The following ADCY10 variants were observed in gnomAD, a reference collection of about 807,000 sequenced individuals.
ADCY10 encodes adenylate cyclase type 10.
In ADCY10, 156 loss-of-function variants were observed where a neutral mutation model predicts 183.3. That is an observed-to-expected ratio of 0.85 (90% CI 0.75 to 0.97). The LOEUF (loss-of-function observed/expected upper bound fraction) is 0.97. ADCY10 is among the 50% of genes least tolerant of loss of function. ADCY10 has a pLI of 0.00. For synonymous variants in ADCY10, 645 were observed against 670.0 expected (o/e 0.96, Z 0.58); for missense variants, 1,745 against 1,934.3 (o/e 0.90, Z 1.84).
rs547011694 is a variant in ADCY10, at chr1:167,848,634, TTTTTGTTTTG to T, written c.2309-155_2309-146del. Reference sequence around the variant, plus strand: ...CTCACCAAATATTCTGGAAACCTTTTTTTTGTTTTGTTTTGTTTTGTTTTTTGTTTTTTTG... The same window carrying T: ...CTCACCAAATATTCTGGAAACCTTTTTTTTGTTTTGTTTTTTGTTTTTTTG... On this transcript the variant is annotated intron_variant, in intron 18 of 32. Coordinates refer to ENST00000367851, the MANE Select transcript of ADCY10 (RefSeq NM_018417.6). 2.7e-4 allele frequency: 265 copies of T among 965,522 alleles called. 1 individual carries two copies. The African/African-American group carries it at 4.1e-3, about 15-fold the overall frequency. The allele number at this position is 965,522 out of a possible 1,614,324, so 59.8% of individuals were successfully genotyped here. A position where few individuals can be genotyped will look rare whatever the true frequency, so the allele number is the denominator to read the frequency against.
chr1:167,879,325 G>C (rs1667714597), intron 11 of ADCY10, among the ~76,000 whole-genome samples: 1 of 152,212 alleles, frequency 6.6e-6, no homozygotes. Context: ...TTCAACAGCA[G>C]CTGGCTGCTT....
intron 18 of ADCY10, among the ~76,000 whole-genome samples, chr1:167,853,755 G>A (rs192675493): frequency 4.7e-5 from 7 of 150,474 alleles, no homozygotes; most frequent in African/African-American, 1.5e-4. Context: ...AAGGCTTTTT[G>A]AAGATAACAT....
chr1:167,905,262 T>C, intron 1 of ADCY10, 64 bp from the exon 2 acceptor site: 1 of 1,239,520 alleles, frequency 8.1e-7, no homozygotes, highest in Non-Finnish European at 1.2e-6. Context: ...CTATTGCTCT[T>C]TCTCCATTTG....
rs149560141 is a variant in ADCY10, at chr1:167,855,996, C to T, written c.2171+169G>A. Reference sequence around the variant, plus strand: ...TCAGCCTGGGTGACAGAGTAAGACCCTGTCTCAAAAGAAAACAGAAAAAAA... The same window carrying T: ...TCAGCCTGGGTGACAGAGTAAGACCTTGTCTCAAAAGAAAACAGAAAAAAA... On this transcript the variant is annotated intron_variant, in intron 17 of 32. Coordinates refer to ENST00000367851, the MANE Select transcript of ADCY10 (RefSeq NM_018417.6). Among the ~76,000 whole-genome samples, 236 of 152,244 alleles carry T rather than the reference C, an allele frequency of 1.6e-3. 1 individual carries two copies. Among genetic ancestry groups the T allele is most frequent in the African/African-American group, 5.4e-3 (226 of 41,540 alleles).
chr1:167,858,997 C>T (rs567553448), intron 16 of ADCY10, among the ~76,000 whole-genome samples: 5 of 152,036 alleles, frequency 3.3e-5, no homozygotes, highest in African/African-American at 9.7e-5. Flanking sequence ...TGAGTAAATG[C>T]GGGAATGTGG....
Position 167,896,581 on chromosome 1 carries a change from T to G in ADCY10, c.739+14A>C, listed in dbSNP as rs376851497. ...TGGTAGAGGCAAAGGCATTTTTCCATGGTGGGTACTTACTTTTGTGCTCAC... is the reference window on the plus strand; with the variant it reads ...TGGTAGAGGCAAAGGCATTTTTCCAGGGTGGGTACTTACTTTTGTGCTCAC... On this transcript the variant is annotated intron_variant, in intron 7 of 32. Coordinates refer to ENST00000367851, the MANE Select transcript of ADCY10 (RefSeq NM_018417.6). The G allele has an allele frequency of 1.9e-6, 3 of 1,594,408 alleles. No homozygotes were observed. The highest frequency in any genetic ancestry group is 2.6e-6 in the Non-Finnish European group (3 of 1,162,266).
intron 12 of ADCY10, 133 bp from the exon 13 acceptor site, chr1:167,875,319 T>A (rs1667375353): frequency 2.4e-6 from 2 of 847,022 alleles, no homozygotes; most frequent in Non-Finnish European, 4.0e-6. Flanking sequence ...GACTCACGGG[T>A]CGCAAACGCC....
chr1:167,830,061 C>T (rs913375408), intron 25 of ADCY10, among the ~76,000 whole-genome samples: 1 of 152,208 alleles, frequency 6.6e-6, no homozygotes, highest in African/African-American at 2.4e-5. Flanking sequence ...CCTTAGCAGA[C>T]AGCTACAGAT....
chr1:167,912,868 G>C (rs1238670489), intron 1 of ADCY10, among the ~76,000 whole-genome samples: 20 of 152,182 alleles, frequency 1.3e-4, no homozygotes, highest in African/African-American at 2.4e-5. Context: ...GATTTCTATA[G>C]ATATGAAAAC....
chr1:167,880,332 T>A, intron 10 of ADCY10, 141 bp from the exon 11 acceptor site: 1 of 975,972 alleles, frequency 1.0e-6, no homozygotes, highest in Middle Eastern at 2.2e-4. Flanking sequence ...GTTTATGGCA[T>A]TTCTACATGG....
intron 14 of ADCY10, among the ~76,000 whole-genome samples, chr1:167,866,571 T>G (rs985137144): frequency 9.4e-5 from 14 of 148,316 alleles, no homozygotes; most frequent in Admixed American, 4.0e-4. Context: ...ATACCAATTC[T>G]AAGTTAATTT....
At chr1:167,873,509 C>T (rs374982399) in intron 13 of ADCY10, among the ~76,000 whole-genome samples, 3 of 152,236 alleles carry the variant, frequency 2.0e-5, no homozygotes, top group African/African-American at 2.4e-5. Flanking sequence ...TGGGGATGTT[C>T]GTGTCTGACA....
Position 167,896,705 on chromosome 1 carries a change from A to G in ADCY10, c.643-14T>C. 6.5e-7 allele frequency: 1 copy of G among 1,539,428 alleles called. No homozygotes were observed. The highest frequency in any genetic ancestry group is 1.1e-5 in the South Asian group (1 of 89,484). On this transcript the variant is annotated splice_polypyrimidine_tract_variant and intron_variant, in intron 6 of 32. Transcript: ENST00000367851. ...TAAGAAGTTAACCTAAATAAAAGCA[A>G]ATGAGAAGTTTTCAGTTATTCTGAG...
intron 27 of ADCY10, 26 bp from the exon 28 acceptor site, chr1:167,824,598 T>C (rs777487436): frequency 1.2e-6 from 2 of 1,614,034 alleles, no homozygotes; most frequent in South Asian, 1.1e-5. Context: ...TTCCAGTATA[T>C]TGTGGGGCAT....
Position 167,820,440 on chromosome 1 carries a change from A to G in ADCY10, c.4286+1584T>C, listed in dbSNP as rs553150861. On this transcript the variant is annotated intron_variant, in intron 30 of 32. Transcript: ENST00000367851. The stretch of plus-strand genomic sequence containing the variant: ...CCTCCAGGTGATTTTTATGCCCACT[A>G]AAGTCTGAGCAGCATTGGCCTAGGA... 1.6e-4 allele frequency: 83 copies of G among 509,090 alleles called. No homozygotes were observed. In the South Asian group the frequency reaches 2.5e-3, roughly 15 times the overall value. 31.5% of individuals were successfully genotyped at this position (509,090 alleles called of 1,614,324 possible).
intron 6 of ADCY10, among the ~76,000 whole-genome samples, chr1:167,897,257 G>A (rs1400024886): frequency 6.6e-6 from 1 of 151,128 alleles, no homozygotes; most frequent in African/African-American, 2.4e-5. Flanking sequence ...AGGCTGAGGT[G>A]GGCAGATTGC....
Position 167,836,348 on chromosome 1 carries a change from T to C in ADCY10, c.3270A>G (p.Glu1090=). Reference sequence around the variant, plus strand: ...AAAAGATGAGATAAGCAGATGCAATTTCTAAGAAGTAATATAAGGCTTTGT... The same window carrying C: ...AAAAGATGAGATAAGCAGATGCAATCTCTAAGAAGTAATATAAGGCTTTGT... ...ENDKALYYFL[E]IASAYLIFCD... Residue 1090 remains glutamate, a synonymous_variant, in exon 23 of 33, where the codon GAA becomes GAG. Coordinates refer to ENST00000367851, the MANE Select transcript of ADCY10 (RefSeq NM_018417.6). The C allele has an allele frequency of 6.2e-7, 1 of 1,614,038 alleles. No homozygotes were observed. Among genetic ancestry groups the C allele is most frequent in the Non-Finnish European group, 8.5e-7 (1 of 1,179,954 alleles).
rs776265715 is a variant in ADCY10, at chr1:167,822,993, C to A, written c.4168+15G>T. The A allele has an allele frequency of 6.2e-7, 1 of 1,611,930 alleles. No homozygotes were observed. Among genetic ancestry groups the A allele is most frequent in the South Asian group, 1.1e-5 (1 of 91,050 alleles). On this transcript the variant is annotated intron_variant, in intron 29 of 32. Transcript: ENST00000367851. ...AACACCCCCAAGTTCTTTTACATCC[C>A]AAACCCACACTTACCAGAATAAAGC...
intron 13 of ADCY10, among the ~76,000 whole-genome samples, chr1:167,870,764 C>A (rs10918792): frequency 6.6e-6 from 1 of 150,704 alleles, no homozygotes; most frequent in South Asian, 2.1e-4. Context: ...AGCCGGGATC[C>A]TGCCATTGCA....
Sources: allele counts gnomAD v4.1 joint callset (sites outside exome capture counted in the v4.1 genomes callset), GRCh38; gene constraint gnomAD v4.1.1; transcripts MANE v1.5; gene names NCBI Gene and HGNC (gene_info 2026-07-23, HGNC 2026-07-21).